GLUL: variants seen among roughly 807,000 people sequenced by gnomAD.
GLUL encodes glutamate-ammonia ligase, also known as glutamine synthetase.
In GLUL, 8 loss-of-function variants were observed where a neutral mutation model predicts 36.9. That is an observed-to-expected ratio of 0.22 (90% CI 0.13 to 0.39). The LOEUF (loss-of-function observed/expected upper bound fraction) is 0.39, where lower values mean the gene tolerates loss of function less well. Ranked by LOEUF, GLUL falls within the 10% of genes least tolerant of loss-of-function variation. The probability of loss-of-function intolerance (pLI) is 1.00; values close to 1 mark genes in which losing one functional copy is unlikely to be tolerated. For synonymous variants in GLUL, 182 were observed against 172.8 expected (o/e 1.05, Z -0.42); for missense variants, 315 against 501.8 (o/e 0.63, Z 3.56).
chr1:182,381,907 C>G lies in GLUL; in HGVS notation c.*2498G>C, dbSNP rs990391065. The G allele has an allele frequency of 2.0e-5, 3 of 152,178 alleles. No homozygotes were observed. The highest frequency in any genetic ancestry group is 4.4e-5 in the Non-Finnish European group (3 of 68,036). The allele number at this position is 152,178 out of a possible 1,614,324, so 9.4% of individuals were successfully genotyped here. On this transcript the variant is annotated 3_prime_UTR_variant, in exon 7 of 7. Coordinates refer to ENST00000331872, the MANE Select transcript of GLUL (RefSeq NM_001033044.4). ...AGGGTACTCAACAATCATGCTGAAA[C>G]AGGCATAAACTAGGACCACGCCAGC...
rs760344203 is a variant in GLUL at position 182,379,140 on chromosome 1, A to C, written c.*5265T>G. Among the ~76,000 whole-genome samples, 3 of 152,152 alleles carry C rather than the reference A, an allele frequency of 2.0e-5. No homozygotes were observed. Among genetic ancestry groups the C allele is most frequent in the Non-Finnish European group, 4.4e-5 (3 of 68,024 alleles). ...ATCGAGCTAAAGGCTATAAAATGGC[A>C]GGGTTCTAATCAGCTCAGATTGTTT... On this transcript the variant is annotated 3_prime_UTR_variant, in exon 7 of 7. Coordinates refer to ENST00000331872, the MANE Select transcript of GLUL (RefSeq NM_001033044.4).
At chr1:182,386,125 G>A (rs371678042) in intron 4 of GLUL, 131 bp downstream of exon 4, 37 of 981,458 alleles carry the variant, frequency 3.8e-5, no homozygotes, top group Non-Finnish European at 5.1e-5. Flanking sequence ...CTTTGGTGAT[G>A]TGAGGGCTGT....
At chr1:182,391,318 C>T in intron 1 of GLUL, 1 of 398,338 alleles carries the variant, frequency 2.5e-6, no homozygotes, top group Non-Finnish European at 4.4e-6. Flanking sequence ...ACCGCCACTC[C>T]ATCCACAGCG....
chr1:182,385,950 A>T (rs1459856741), intron 4 of GLUL, 63 bp from the exon 5 acceptor site: 4 of 1,525,512 alleles, frequency 2.6e-6, no homozygotes, highest in Admixed American at 3.3e-5. Flanking sequence ...AAAGTCAGAG[A>T]TCAGAAGGCC....
At chr1:182,384,809 G>T in intron 6 of GLUL, 86 bp from the exon 7 acceptor site, 3 of 952,792 alleles carry the variant, frequency 3.1e-6, no homozygotes, top group South Asian at 1.3e-5. Flanking sequence ...GATACCAGTA[G>T]AACAAATACT....
At chr1:182,386,866 A>G (rs1016109495) in intron 3 of GLUL, 18 of 546,838 alleles carry the variant, frequency 3.3e-5, no homozygotes, top group Non-Finnish European at 5.6e-5. Flanking sequence ...CCAGGCAGGA[A>G]GGCTGTTACT....
Position 182,378,112 on chromosome 1 carries a change from T to C in GLUL, c.*6293A>G, listed in dbSNP as rs904499834. Among the ~76,000 whole-genome samples the C allele has an allele frequency of 6.6e-6, 1 of 152,194 alleles. No individual in the cohort carries two copies. The highest frequency in any genetic ancestry group is 1.5e-5 in the Non-Finnish European group (1 of 68,038). Reference sequence around the variant, plus strand: ...ACAGAGAAGGAGTTATTCTAAACCTTTATTGAAAGGCAAATGCAGAAAGCC... The same window carrying C: ...ACAGAGAAGGAGTTATTCTAAACCTCTATTGAAAGGCAAATGCAGAAAGCC... On this transcript the variant is annotated 3_prime_UTR_variant, in exon 7 of 7. Coordinates refer to ENST00000331872, the MANE Select transcript of GLUL (RefSeq NM_001033044.4).
At chr1:182,386,083 C>G in intron 4 of GLUL, 173 bp downstream of exon 4, 1 of 878,416 alleles carries the variant, frequency 1.1e-6, no homozygotes, top group South Asian at 1.3e-5. Flanking sequence ...CCCCCTAAAA[C>G]CTTACTTTAT....
intron 5 of GLUL, 38 bp downstream of exon 5, chr1:182,385,722 C>T (rs1289793864): frequency 1.2e-6 from 2 of 1,612,908 alleles, no homozygotes; most frequent in Non-Finnish European, 1.7e-6. Context: ...TGTACACCTA[C>T]CTACCCTTCT....
Position 182,387,259 on chromosome 1 carries a change from G to C in GLUL, c.200C>G (p.Thr67Ser). The C allele has an allele frequency of 6.2e-7, 1 of 1,613,390 alleles. No individual in the cohort carries two copies. The highest frequency in any genetic ancestry group is 1.1e-5 in the South Asian group (1 of 91,076). The stretch of plus-strand genomic sequence containing the variant: ...ACTGTTGGAACCCTCAGACTGTAAA[G>C]TACTAGAGCCATCGAAATTCCACTC... ...LPEWNFDGSSTLQSEGSNSDM... is the reference protein window; with the variant it reads ...LPEWNFDGSSSLQSEGSNSDM... Residue 67 changes from threonine (T) to serine (S), a missense_variant, in exon 3 of 7, where the codon ACT (threonine) becomes AGT (serine). Around this residue, in one of 3 missense-constraint regions of GLUL, gnomAD observed 256 missense variants for 396.1 expected, o/e 0.65. Transcript: ENST00000331872.
In GLUL at chr1:182,381,555, C is replaced by T. The variant is rs1649927487; in HGVS notation, c.*2850G>A. ...AAATACAAGGGGATTGCACTGTGAC[C>T]TGTAGGTCAAAGCTAATTCTAGGTG... On this transcript the variant is annotated 3_prime_UTR_variant, in exon 7 of 7. Coordinates refer to ENST00000331872, the MANE Select transcript of GLUL (RefSeq NM_001033044.4). 1 of 152,104 alleles carries T rather than the reference C, an allele frequency of 6.6e-6. No homozygotes were observed. The highest frequency in any genetic ancestry group is 1.5e-5 in the Non-Finnish European group (1 of 68,030). 9.4% of individuals were successfully genotyped at this position (152,104 alleles called of 1,614,324 possible). A position where few individuals can be genotyped will look rare whatever the true frequency, so the allele number is the denominator to read the frequency against.
In GLUL at chr1:182,379,354, C is replaced by T. The variant is rs1316720107; in HGVS notation, c.*5051G>A. ...CCTCCTGCCTCAGCCTCCTGAGTAG[C>T]TGGAATTATAGGCACCCACCACCAC... On this transcript the variant is annotated 3_prime_UTR_variant, in exon 7 of 7. Transcript: ENST00000331872. 2.0e-5 allele frequency among the ~76,000 whole-genome samples: 3 copies of T among 151,932 alleles called. No individual in the cohort carries two copies. The highest frequency in any genetic ancestry group is 4.4e-5 in the Non-Finnish European group (3 of 68,020).
Position 182,380,650 on chromosome 1 carries a change from A to G in GLUL, c.*3755T>C, listed in dbSNP as rs901038844. Among the ~76,000 whole-genome samples, 19 of 152,220 alleles carry G rather than the reference A, an allele frequency of 1.2e-4. No individual in the cohort carries two copies. Among genetic ancestry groups the G allele is most frequent in the Non-Finnish European group, 4.4e-5 (3 of 68,038 alleles). ...AACTTTGTCTTGCTGTCATGGCCAG[A>G]GTTAAAATACAGTCAAACAACAAAG... On this transcript the variant is annotated 3_prime_UTR_variant, in exon 7 of 7. Transcript: ENST00000331872.
At chr1:182,390,495 A>C (rs1005414936) in intron 1 of GLUL, 2 of 398,278 alleles carry the variant, frequency 5.0e-6, no homozygotes, top group African/African-American at 4.1e-5. Context: ...CCCCTCACTC[A>C]CCCCAGCCAC....
At position 182,384,567 on chromosome 1, in the gene GLUL, G is replaced by A. The variant is rs759079464; in HGVS notation, c.960C>T (p.Ser320=). The A allele has an allele frequency of 4.0e-5, 65 of 1,614,022 alleles. No homozygotes were observed. The South Asian group carries it at 4.2e-4, about 10-fold the overall frequency. The change falls in exon 7 of 7, where the codon AGC becomes AGT. Residue 320 remains serine, a synonymous_variant. Coordinates refer to ENST00000331872, the MANE Select transcript of GLUL (RefSeq NM_001033044.4). ...CAGTCCGGGGAATGCGTATGCTGGCGCTACGATTGGCTACACCAGCAGAAA... is the reference window on the plus strand; with the variant it reads ...CAGTCCGGGGAATGCGTATGCTGGCACTACGATTGGCTACACCAGCAGAAA... The part of the protein sequence containing the change: ...NDFSAGVANR[S]ASIRIPRTVG...
Position 182,379,719 on chromosome 1 carries a change from A to G in GLUL, c.*4686T>C, listed in dbSNP as rs930808533. Among the ~76,000 whole-genome samples the G allele has an allele frequency of 6.6e-6, 1 of 151,492 alleles. No homozygotes were observed. The highest frequency in any genetic ancestry group is 2.4e-5 in the African/African-American group (1 of 41,134). On this transcript the variant is annotated 3_prime_UTR_variant, in exon 7 of 7. Transcript: ENST00000331872. Reference sequence around the variant, plus strand: ...CCAGCTAATTTTTCGTATTTTTTGTAGAGATGGGGTTTTGTCATGTTGCCC... The same window carrying G: ...CCAGCTAATTTTTCGTATTTTTTGTGGAGATGGGGTTTTGTCATGTTGCCC...
At chr1:182,391,526 A>C (rs887938651) in intron 1 of GLUL, 153 bp downstream of exon 1, 22 of 289,090 alleles carry the variant, frequency 7.6e-5, no homozygotes, top group East Asian at 2.3e-4. Flanking sequence ...AGGAGCACTC[A>C]TGCCGGATCT....
chr1:182,389,956 C>T (rs1650338798), intron 1 of GLUL: 1 of 152,306 alleles, frequency 6.6e-6, no homozygotes, highest in Non-Finnish European at 1.5e-5. Context: ...ATCCCAGAAC[C>T]CTTTAGCTCC....
rs1215611956 is a variant in GLUL at position 182,378,531 on chromosome 1, C to A, written c.*5874G>T. 6.6e-6 allele frequency among the ~76,000 whole-genome samples: 1 copy of A among 152,176 alleles called. No individual in the cohort carries two copies. The highest frequency in any genetic ancestry group is 2.4e-5 in the African/African-American group (1 of 41,446). ...ACTTTAAGAACAATTATACCTTCTA[C>A]ATCTTACCACTCCCCATTCCTAGTG... On this transcript the variant is annotated 3_prime_UTR_variant, in exon 7 of 7. Transcript: ENST00000331872.
Sources: allele counts gnomAD v4.1 joint callset (sites outside exome capture counted in the v4.1 genomes callset), GRCh38; gene constraint gnomAD v4.1.1; regional missense constraint gnomAD v4.1.1; transcripts MANE v1.5; gene names NCBI Gene and HGNC (gene_info 2026-07-23, HGNC 2026-07-21).